The following SENP6 variants were observed in gnomAD, a reference collection of about 807,000 sequenced individuals.
SENP6 encodes sentrin-specific protease 6.
SENP6 carries 41 observed loss-of-function variants against 134.5 expected under a neutral mutation model. The observed-to-expected ratio is 0.30, with a 90% CI of 0.24 to 0.40. The LOEUF is 0.40. SENP6 is among the 10% of genes least tolerant of loss of function. The pLI, the probability that SENP6 is intolerant of heterozygous loss-of-function variation, is 1.00. For synonymous variants in SENP6, 395 were observed against 429.8 expected, an observed-to-expected ratio of 0.92 and a Z score of 1.00; for missense variants, 1,248 against 1,312.5, an observed-to-expected ratio of 0.95 and a Z score of 0.76.
intron 1 of SENP6, among the ~76,000 whole-genome samples, chr6:75,618,724 A>G (rs1174411559): frequency 1.3e-5 from 2 of 152,210 alleles, no homozygotes; most frequent in East Asian, 3.8e-4. Context: ...TCAGGCTGGT[A>G]TGTCTGACTC....
chr6:75,637,230 C>G (rs1769591626), intron 5 of SENP6, among the ~76,000 whole-genome samples: 1 of 152,126 alleles, frequency 6.6e-6, no homozygotes. Flanking sequence ...GTAATTCATA[C>G]ATAGTGTATT....
chr6:75,683,033 G>C (rs1562045721), intron 16 of SENP6, among the ~76,000 whole-genome samples: 1 of 152,144 alleles, frequency 6.6e-6, no homozygotes, highest in Admixed American at 6.5e-5. Flanking sequence ...CTGTGTAAAA[G>C]CATTCCTATT....
chr6:75,697,331 A>G (rs891053053), intron 17 of SENP6, 94 bp from the exon 18 acceptor site: 4 of 853,474 alleles, frequency 4.7e-6, no homozygotes, highest in African/African-American at 3.4e-5. Flanking sequence ...TGTTTGAGCT[A>G]TTACATCTGA....
intron 7 of SENP6, among the ~76,000 whole-genome samples, chr6:75,653,133 C>T (rs1419222532): frequency 1.3e-5 from 2 of 152,072 alleles, no homozygotes; most frequent in African/African-American, 2.4e-5. Context: ...CGGGTTCAAG[C>T]GATTTTCCTG....
chr6:75,687,448 G>A (rs1773927754), intron 16 of SENP6, among the ~76,000 whole-genome samples: 1 of 152,220 alleles, frequency 6.6e-6, no homozygotes, highest in South Asian at 2.1e-4. Flanking sequence ...TTGCTGGCAA[G>A]AAGCTGCAAT....
chr6:75,702,409 G>T (rs1775098661), intron 18 of SENP6, among the ~76,000 whole-genome samples: 2 of 151,756 alleles, frequency 1.3e-5, no homozygotes, highest in South Asian at 4.2e-4. Context: ...GTAGAGACAG[G>T]GTTTTGCCAT....
At chr6:75,712,130 T>C (rs924430516) in intron 21 of SENP6, among the ~76,000 whole-genome samples, 7 of 152,196 alleles carry the variant, frequency 4.6e-5, no homozygotes, top group Non-Finnish European at 8.8e-5. Context: ...GTAAGAGACA[T>C]GTTCCAACTG....
At chr6:75,648,786 A>G (rs892964189) in intron 7 of SENP6, among the ~76,000 whole-genome samples, 2 of 152,168 alleles carry the variant, frequency 1.3e-5, no homozygotes, top group African/African-American at 4.8e-5. Context: ...AGTGCTTTGC[A>G]TTCATTATTT....
rs183964839 is a variant in SENP6, at chr6:75,636,296, T to A, written c.458+1485T>A. ...AGGGGCAGCAAAGAAAACTGTATAA[T>A]CAAGTCAGCAGGACAGATTCTACTT... On this transcript the variant is annotated intron_variant, in intron 5 of 23. Transcript: ENST00000447266. 1.2e-4 allele frequency among the ~76,000 whole-genome samples: 19 copies of A among 152,292 alleles called. No individual in the cohort carries two copies. In the East Asian group the frequency reaches 3.7e-3, roughly 29 times the overall value.
chr6:75,666,107 ATG>A (rs1772190515), intron 9 of SENP6, among the ~76,000 whole-genome samples: 3 of 145,854 alleles, frequency 2.1e-5, no homozygotes, highest in Non-Finnish European at 4.5e-5. Flanking sequence ...TATATATAAA[ATG>A]TATATATGAT....
In SENP6 at chr6:75,626,461, CA is replaced by C. The variant is rs1768701694; in HGVS notation, c.207+2504del. The stretch of plus-strand genomic sequence containing the variant: ...AGATCACTCTACAGCAAAGTATTTA[CA>C]AATCTTTATCATCCTTTTTATTGTT... On this transcript the variant is annotated intron_variant, in intron 3 of 23. Transcript: ENST00000447266. Among the ~76,000 whole-genome samples, 5 of 152,140 alleles carry C rather than the reference CA, an allele frequency of 3.3e-5. No individual in the cohort carries two copies. In the South Asian group the frequency reaches 1.0e-3, roughly 32 times the overall value.
chr6:75,638,622 ATTTTTTTTT>A (rs57353168), intron 5 of SENP6, among the ~76,000 whole-genome samples: 16 of 29,864 alleles, frequency 5.4e-4, no homozygotes, highest in South Asian at 1.7e-3. Flanking sequence ...ATATATATAT[ATTTTTTTTT>A]TTTTTTTTTT....
chr6:75,664,076 C>T (rs961925681), intron 9 of SENP6, among the ~76,000 whole-genome samples: 2 of 151,702 alleles, frequency 1.3e-5, no homozygotes, highest in Admixed American at 1.3e-4. Flanking sequence ...TTCCAAGATC[C>T]TTAATTAAGT....
At chr6:75,698,730 G>T (rs908473867) in intron 18 of SENP6, among the ~76,000 whole-genome samples, 1 of 152,132 alleles carries the variant, frequency 6.6e-6, no homozygotes, top group African/African-American at 2.4e-5. Context: ...TAAGGTTTTG[G>T]CTGGGCGTGG....
At chr6:75,626,980 A>G (rs921207521) in intron 3 of SENP6, among the ~76,000 whole-genome samples, 7 of 151,448 alleles carry the variant, frequency 4.6e-5, no homozygotes, top group African/African-American at 1.2e-4. Context: ...TTATTTATCT[A>G]TTGAGACTGA....
chr6:75,655,910 T>C (rs1293968482), intron 7 of SENP6, among the ~76,000 whole-genome samples: 4 of 152,104 alleles, frequency 2.6e-5, no homozygotes, highest in African/African-American at 9.7e-5. Flanking sequence ...GGAAATAGTG[T>C]AGTGTATTTA....
intron 19 of SENP6, among the ~76,000 whole-genome samples, chr6:75,707,077 A>G (rs1481356969): frequency 6.6e-6 from 1 of 152,156 alleles, no homozygotes; most frequent in Non-Finnish European, 1.5e-5. Context: ...TTTATGGGGG[A>G]ATTGACTGCA....
chr6:75,626,932 A>G (rs1008935556), intron 3 of SENP6, among the ~76,000 whole-genome samples: 2 of 151,330 alleles, frequency 1.3e-5, no homozygotes, highest in Non-Finnish European at 2.9e-5. Context: ...CCTCTGCAAC[A>G]GCTCTATTTT....
Position 75,716,253 on chromosome 6 carries a change from C to A in SENP6, c.*659C>A, listed in dbSNP as rs1353635468. The A allele has an allele frequency of 2.6e-5, 4 of 151,992 alleles. No individual in the cohort carries two copies. Among genetic ancestry groups the A allele is most frequent in the South Asian group, 4.1e-4 (2 of 4,824 alleles). The allele number at this position is 151,992 out of a possible 1,614,324, so 9.4% of individuals were successfully genotyped here. On this transcript the variant is annotated 3_prime_UTR_variant, in exon 24 of 24. Coordinates refer to ENST00000447266, the MANE Select transcript of SENP6 (RefSeq NM_015571.4). ...ACCTTATACTACTAAAAAAAAAATT[C>A]TTGCATATATTATCATCAAATGCAT...
Sources: allele counts gnomAD v4.1 joint callset (sites outside exome capture counted in the v4.1 genomes callset), GRCh38; gene constraint gnomAD v4.1.1; transcripts MANE v1.5; gene names NCBI Gene and HGNC (gene_info 2026-07-23, HGNC 2026-07-21).